Variants in FBXO33 observed in about 807,000 individuals in gnomAD.
FBXO33 encodes the protein F-box only protein 33.
FBXO33 carries 22 observed loss-of-function variants against 46.3 expected under a neutral mutation model. The observed-to-expected ratio is 0.48, with a 90% CI of 0.34 to 0.68. The LOEUF (loss-of-function observed/expected upper bound fraction) is 0.68. FBXO33 is among the 30% of genes least tolerant of loss of function. The probability of loss-of-function intolerance (pLI) is 0.01; values close to 1 mark genes in which losing one functional copy is unlikely to be tolerated. For missense variants in FBXO33, 692 were observed against 708.8 expected, an observed-to-expected ratio of 0.98 and a Z score of 0.27; for synonymous variants, 337 against 291.3, an observed-to-expected ratio of 1.16 and a Z score of -1.60.
In FBXO33 at chr14:39,431,875, C is replaced by G. The variant is rs769960163; in HGVS notation, c.288G>C (p.Ser96=). 1.9e-6 allele frequency: 3 copies of G among 1,576,510 alleles called. No homozygotes were observed. Among genetic ancestry groups the G allele is most frequent in the South Asian group, 1.1e-5 (1 of 88,286 alleles). The change falls in exon 1 of 4, where the codon TCG becomes TCC. Residue 96 remains serine, a synonymous_variant. Coordinates refer to ENST00000298097, the MANE Select transcript of FBXO33 (RefSeq NM_203301.4). ...GATAGAAGAGGCACTCACGCCAGTG[C>G]GAGCAGGAGGCCGAGGCCCGCAGCC... ...PDRLRASASC[S]HWRECLFYPA...
intron 3 of FBXO33, among the ~76,000 whole-genome samples, chr14:39,400,297 G>T (rs1344734330): frequency 1.3e-5 from 2 of 152,112 alleles, no homozygotes; most frequent in African/African-American, 2.4e-5. Context: ...AAACAATCAT[G>T]TGAATGATAT....
intron 1 of FBXO33, among the ~76,000 whole-genome samples, chr14:39,424,246 T>C (rs1227526819): frequency 6.6e-6 from 1 of 152,204 alleles, no homozygotes; most frequent in African/African-American, 2.4e-5. Flanking sequence ...GAGACCCTCC[T>C]TAACTTCCCT....
chr14:39,419,348 T>C (rs554745383), intron 1 of FBXO33, among the ~76,000 whole-genome samples: 1 of 152,204 alleles, frequency 6.6e-6, no homozygotes, highest in African/African-American at 2.4e-5. Flanking sequence ...CTTTAAAAGT[T>C]AGAAAACCAT....
At chr14:39,429,145 A>C (rs7161403) in intron 1 of FBXO33, among the ~76,000 whole-genome samples, 54,013 of 152,128 alleles carry the variant, frequency 0.36, 11,104 homozygotes, top group African/African-American at 0.56. Context: ...TGAAAAGTTC[A>C]CACAATTCAA....
At position 39,399,571 on chromosome 14, in the gene FBXO33, G is replaced by A; in HGVS notation, c.1613C>T (p.Thr538Ile). 6.2e-7 allele frequency: 1 copy of A among 1,613,242 alleles called. No homozygotes were observed. The highest frequency in any genetic ancestry group is 1.7e-4 in the Middle Eastern group (1 of 6,060). Residue 538 changes from threonine (T) to isoleucine (I), a missense_variant, in exon 4 of 4, where the codon ACT becomes ATT. Thr to Ile is a moderately conservative substitution (Grantham distance 89, BLOSUM62 -1). Around this residue, in one of 3 missense-constraint regions of FBXO33, gnomAD observed 94 missense variants for 91.9 expected, o/e 1.02. Transcript: ENST00000298097. ...VMDIESLSVF[T>I]EPNRHFYREM... ...TCTGTAAAAATGACGATTTGGTTCA[G>A]TGAAGACACTGAGTGATTCGATGTC...
intron 1 of FBXO33, among the ~76,000 whole-genome samples, chr14:39,411,492 TTATTTG>T (rs2075422369): frequency 6.6e-6 from 1 of 151,908 alleles, no homozygotes; most frequent in Non-Finnish European, 1.5e-5. Flanking sequence ...TTTTTTATTT[TTATTTG>T]TATCAAGATA....
chr14:39,406,293 C>A (rs1282901872), intron 1 of FBXO33, among the ~76,000 whole-genome samples: 1 of 152,108 alleles, frequency 6.6e-6, no homozygotes, highest in African/African-American at 2.4e-5. Flanking sequence ...TCAGAGGGGA[C>A]AGTCATACAG....
chr14:39,416,628 T>G (rs1489421253), intron 1 of FBXO33, among the ~76,000 whole-genome samples: 2 of 152,148 alleles, frequency 1.3e-5, no homozygotes. Flanking sequence ...ATTGAACTCC[T>G]GTAGTCAATT....
At position 39,399,695 on chromosome 14, in the gene FBXO33, A is replaced by C. The variant is rs2075359868; in HGVS notation, c.1489T>G (p.Phe497Val). 6.2e-7 allele frequency: 1 copy of C among 1,613,964 alleles called. No individual in the cohort carries two copies. Among genetic ancestry groups the C allele is most frequent in the Non-Finnish European group, 8.5e-7 (1 of 1,179,994 alleles). ...VLEVTEESID[F>V]DQGELADQDV... ...TGGTCGGCCAGTTCACCTTGGTCAA[A>C]ATCAATGCTTTCTTCGGTGACTTCA... is the stretch of plus-strand genomic sequence containing the variant. The change falls in exon 4 of 4, where the codon TTT becomes GTT. Residue 497 changes from phenylalanine (F) to valine (V), a missense_variant. By Grantham distance (50) the Phe-to-Val change is conservative. Coordinates refer to ENST00000298097, the MANE Select transcript of FBXO33 (RefSeq NM_203301.4).
intron 1 of FBXO33, among the ~76,000 whole-genome samples, chr14:39,412,943 G>A (rs1055025841): frequency 6.6e-6 from 1 of 152,250 alleles, no homozygotes; most frequent in African/African-American, 2.4e-5. Context: ...TTGGCTGATA[G>A]AATGCCTTGT....
At chr14:39,405,712 C>A (rs2075393439) in intron 1 of FBXO33, among the ~76,000 whole-genome samples, 1 of 151,646 alleles carries the variant, frequency 6.6e-6, no homozygotes, top group Non-Finnish European at 1.5e-5. Context: ...AAATGTGTAA[C>A]AAATGCTACA....
intron 2 of FBXO33, 74 bp from the exon 3 acceptor site, chr14:39,401,935 T>C (rs945770710): frequency 3.7e-5 from 46 of 1,249,918 alleles, no homozygotes; most frequent in African/African-American, 3.2e-4. Context: ...CTTTTGAAAA[T>C]AGGCAATGAA....
chr14:39,406,230 T>C (rs1387705098), intron 1 of FBXO33, among the ~76,000 whole-genome samples: 1 of 152,176 alleles, frequency 6.6e-6, no homozygotes, highest in Admixed American at 6.6e-5. Context: ...CTTTGGAGAA[T>C]ATAAGGTATT....
chr14:39,404,063 A>G (rs2075381194), intron 1 of FBXO33, among the ~76,000 whole-genome samples: 1 of 152,194 alleles, frequency 6.6e-6, no homozygotes, highest in Non-Finnish European at 1.5e-5. Flanking sequence ...TCTTGATGGT[A>G]TGTCACATTT....
chr14:39,401,456 G>A lies in FBXO33; in HGVS notation c.1116C>T (p.Val372=), dbSNP rs2075368203. The A allele has an allele frequency of 1.2e-6, 2 of 1,613,922 alleles. No individual in the cohort carries two copies. Among genetic ancestry groups the A allele is most frequent in the South Asian group, 2.2e-5 (2 of 91,044 alleles). ...TCTTGATATCAAAAGCCATTATATA[G>A]ACCCGAAAGCTGGTGCTCTTTCGTG... ...ALSRKSTSFR[V]YIMAFDIKSE... The change falls in exon 3 of 4, where the codon GTC becomes GTT. Residue 372 remains valine (V), a synonymous_variant. Coordinates refer to ENST00000298097, the MANE Select transcript of FBXO33 (RefSeq NM_203301.4).
chr14:39,421,109 T>C (rs976768866), intron 1 of FBXO33, among the ~76,000 whole-genome samples: 4 of 151,478 alleles, frequency 2.6e-5, no homozygotes, highest in Non-Finnish European at 5.9e-5. Context: ...GACATCGGTA[T>C]GAAGGTGGGT....
At chr14:39,408,991 G>A (rs2075410881) in intron 1 of FBXO33, among the ~76,000 whole-genome samples, 1 of 151,850 alleles carries the variant, frequency 6.6e-6, no homozygotes, top group Admixed American at 6.6e-5. Flanking sequence ...TGTCCAGGCT[G>A]GTCTCGAGCT....
chr14:39,401,072 T>C, intron 3 of FBXO33, 104 bp downstream of exon 3: 1 of 1,050,930 alleles, frequency 9.5e-7, no homozygotes, highest in Non-Finnish European at 1.4e-6. Flanking sequence ...ATCAACTTGA[T>C]ACAAGATTTC....
At position 39,402,713 on chromosome 14, in the gene FBXO33, T is replaced by C. The variant is rs186984459; in HGVS notation, c.600-202A>G. Among the ~76,000 whole-genome samples the C allele has an allele frequency of 6.6e-3, 961 of 145,120 alleles. 11 individuals are homozygous for C. The highest frequency in any genetic ancestry group is 0.023 in the African/African-American group (915 of 39,104). ...TTTTTTTTTTTTTGAGACGGAGTCT[T>C]GCTCTGTCACCCAGGCTGGAGGGCA... On this transcript the variant is annotated intron_variant, in intron 1 of 3. Transcript: ENST00000298097.
Sources: gnomAD v4.1 joint callset for allele counts (sites outside exome capture counted in the v4.1 genomes callset) on GRCh38, gnomAD v4.1.1 for gene constraint, gnomAD v4.1.1 regional missense constraint, MANE v1.5 for transcripts, NCBI Gene and HGNC (gene_info 2026-07-23, HGNC 2026-07-21) for gene names.